Variants in CDC42BPB observed in about 807,000 individuals in gnomAD.
The protein encoded by CDC42BPB is CDC42 binding protein kinase beta.
Under a neutral mutation model 214.9 loss-of-function variants are expected in CDC42BPB, and 37 were observed. That is an observed-to-expected ratio of 0.17 (90% CI 0.13 to 0.23). The LOEUF (loss-of-function observed/expected upper bound fraction) is 0.23, where lower values mean the gene tolerates loss of function less well. Ranked by LOEUF, CDC42BPB falls within the 10% of genes least tolerant of loss-of-function variation. The probability of loss-of-function intolerance (pLI) is 1.00; values close to 1 mark genes in which losing one functional copy is unlikely to be tolerated. For missense variants in CDC42BPB, 1,694 were observed against 2,227.0 expected, an observed-to-expected ratio of 0.76 and a Z score of 4.82; for synonymous variants, 931 against 884.0, an observed-to-expected ratio of 1.05 and a Z score of -0.94.
chr14:103,017,875 C>T (rs930286913), intron 1 of CDC42BPB, among the ~76,000 whole-genome samples: 4 of 152,238 alleles, frequency 2.6e-5, no homozygotes, highest in Admixed American at 1.3e-4. Flanking sequence ...ATCAATGCTA[C>T]ATTCCTGATT....
chr14:102,944,447 G>C lies in CDC42BPB; in HGVS notation c.3852C>G (p.Ile1284Met). The C allele has an allele frequency of 1.9e-6, 3 of 1,612,934 alleles. No homozygotes were observed. Among genetic ancestry groups the C allele is most frequent in the Non-Finnish European group, 2.5e-6 (3 of 1,179,970 alleles). ...CGATCTTCTCCCTGGGAGCAAGCTCGATCTGGTGTACCTTCTTACAGTCAG... is the reference window on the plus strand; with the variant it reads ...CGATCTTCTCCCTGGGAGCAAGCTCCATCTGGTGTACCTTCTTACAGTCAG... ...RAADCKKVHQ[I>M]ELAPREKIVI... Residue 1284 changes from isoleucine (I) to methionine (M), a missense_variant, in exon 30 of 37, where the codon ATC (isoleucine) becomes ATG (methionine). Physicochemically the swap from Ile to Met is conservative, Grantham distance 10 (BLOSUM62 1). This residue lies in a region of CDC42BPB where 567 missense variants were observed against 790.3 expected (regional missense o/e 0.72). Coordinates refer to ENST00000361246, the MANE Select transcript of CDC42BPB (RefSeq NM_006035.4). The surrounding 1 kb of genome is among the most constrained non-coding windows in gnomAD (Gnocchi z 6.6).
intron 1 of CDC42BPB, among the ~76,000 whole-genome samples, chr14:103,021,856 G>A (rs1886793955): frequency 6.6e-6 from 1 of 152,130 alleles, no homozygotes; most frequent in Admixed American, 6.6e-5. Flanking sequence ...TGAGATCCTG[G>A]CTGTTCCTGA....
intron 30 of CDC42BPB, among the ~76,000 whole-genome samples, chr14:102,941,874 G>C (rs1351105568): frequency 6.6e-6 from 1 of 152,224 alleles, no homozygotes; most frequent in Non-Finnish European, 1.5e-5. Context: ...TGCAGAATGA[G>C]CAGTTCTGCA....
chr14:103,053,323 G>A (rs1212574520), intron 1 of CDC42BPB, among the ~76,000 whole-genome samples: 1 of 151,850 alleles, frequency 6.6e-6, no homozygotes, highest in Non-Finnish European at 1.5e-5. Flanking sequence ...CTTCAGCCTG[G>A]GCAACAGAGT....
At chr14:102,978,552 A>G (rs190355503) in intron 8 of CDC42BPB, among the ~76,000 whole-genome samples, 24 of 152,358 alleles carry the variant, frequency 1.6e-4, no homozygotes, top group Non-Finnish European at 2.6e-4. Flanking sequence ...CAGTGTGAAC[A>G]GGTATGGTCC....
intron 9 of CDC42BPB, among the ~76,000 whole-genome samples, chr14:102,977,788 C>T (rs191693991): frequency 1.3e-5 from 2 of 152,176 alleles, no homozygotes; most frequent in Non-Finnish European, 2.9e-5. Flanking sequence ...TGGGAGAAAT[C>T]CTGCCCGAGG....
At chr14:102,949,052 C>T (rs1416582098) in intron 26 of CDC42BPB, among the ~76,000 whole-genome samples, 3 of 152,186 alleles carry the variant, frequency 2.0e-5, no homozygotes, top group South Asian at 2.1e-4. Flanking sequence ...AGAGCAGTCC[C>T]GTGTGCACCA....
chr14:103,031,190 A>G (rs924301798), intron 1 of CDC42BPB, among the ~76,000 whole-genome samples: 1 of 152,112 alleles, frequency 6.6e-6, no homozygotes, highest in Non-Finnish European at 1.5e-5. Flanking sequence ...CAAGCAGAGA[A>G]AGATGGCCAG....
At chr14:102,958,734 G>A (rs1270540155) in intron 21 of CDC42BPB, among the ~76,000 whole-genome samples, 2 of 152,116 alleles carry the variant, frequency 1.3e-5, no homozygotes, top group South Asian at 2.1e-4. Flanking sequence ...AAGGCACCTG[G>A]TGCCAGACTG....
rs34461002 is a variant in CDC42BPB at position 102,969,782 on chromosome 14, C to T, written c.1995+369G>A. 6.4e-3 allele frequency among the ~76,000 whole-genome samples: 966 copies of T among 151,814 alleles called. 14 individuals carry two copies. Among genetic ancestry groups the T allele is most frequent in the African/African-American group, 0.022 (920 of 41,074 alleles). On this transcript the variant is annotated intron_variant, in intron 14 of 36. Transcript: ENST00000361246. ...CTCTTCCCCAGTCAGCAGCAGGCTA[C>T]GGGCTTTAAGGAGCTTTTCCAAAAC...
At chr14:103,017,538 G>A (rs931782955) in intron 1 of CDC42BPB, among the ~76,000 whole-genome samples, 1 of 152,062 alleles carries the variant, frequency 6.6e-6, no homozygotes, top group East Asian at 1.9e-4. Flanking sequence ...GTTACGTGAT[G>A]AGACGCAACC....
In CDC42BPB at chr14:102,944,115, C is replaced by G; in HGVS notation, c.4184G>C (p.Cys1395Ser). The G allele has an allele frequency of 1.2e-6, 2 of 1,613,252 alleles. No individual in the cohort carries two copies. Among genetic ancestry groups the G allele is most frequent in the South Asian group, 2.2e-5 (2 of 91,072 alleles). Residue 1395 changes from cysteine (C) to serine (S), a missense_variant, in exon 30 of 37, where the codon TGC becomes TCC. Around this residue, in one of 7 missense-constraint regions of CDC42BPB, gnomAD observed 567 missense variants for 790.3 expected, o/e 0.72. Transcript: ENST00000361246. The surrounding 1 kb of genome is among the most constrained non-coding windows in gnomAD (Gnocchi z 6.6). ...RLCVGYPSGF[C>S]LLSIQGDGQP... is the part of the protein sequence containing the mutation. The stretch of plus-strand genomic sequence containing the variant: ...CCCGTCCCCCTGGATGCTCAGCAGG[C>G]AGAACCCAGAAGGGTAGCCCACACA...
chr14:102,952,216 C>G (rs911629), intron 24 of CDC42BPB, among the ~76,000 whole-genome samples: 142,389 of 152,284 alleles, frequency 0.94, 66,846 homozygotes, highest in Middle Eastern at 0.99. Context: ...GCCAGGCATG[C>G]TGGTGGTGTG....
At chr14:103,000,209 C>G (rs202206485) in intron 4 of CDC42BPB, among the ~76,000 whole-genome samples, 1 of 152,234 alleles carries the variant, frequency 6.6e-6, no homozygotes, top group East Asian at 1.9e-4. Context: ...TAGGTTCACT[C>G]CAACAGAAAC....
intron 36 of CDC42BPB, 183 bp from the exon 37 acceptor site, chr14:102,934,026 G>A (rs1891518912): frequency 7.4e-7 from 1 of 1,355,886 alleles, no homozygotes; most frequent in Non-Finnish European, 9.4e-7. Context: ...GCTGGTGAGA[G>A]TCACAAATTG....
intron 4 of CDC42BPB, among the ~76,000 whole-genome samples, chr14:103,003,251 T>A: frequency 6.6e-6 from 1 of 152,166 alleles, no homozygotes; most frequent in East Asian, 1.9e-4. Flanking sequence ...AGAGTCACTC[T>A]AGGAATAAAA....
chr14:102,965,614 A>G (rs1169522833), intron 18 of CDC42BPB, among the ~76,000 whole-genome samples: 1 of 152,182 alleles, frequency 6.6e-6, no homozygotes, highest in Non-Finnish European at 1.5e-5. Context: ...TTCATTGAAC[A>G]CAATTGAGAA....
At chr14:102,993,172 T>C (rs1261496057) in intron 5 of CDC42BPB, among the ~76,000 whole-genome samples, 1 of 152,206 alleles carries the variant, frequency 6.6e-6, no homozygotes, top group Non-Finnish European at 1.5e-5. Context: ...AATCCTCTTT[T>C]CTTGGAAGTG....
Position 103,025,673 on chromosome 14 carries a change from C to T in CDC42BPB, c.176-13485G>A, listed in dbSNP as rs992289548. Among the ~76,000 whole-genome samples the T allele has an allele frequency of 1.7e-4, 26 of 152,040 alleles. 1 individual carries two copies. Among genetic ancestry groups the T allele is most frequent in the Middle Eastern group, 3.4e-3 (1 of 294 alleles). On this transcript the variant is annotated intron_variant, in intron 1 of 36. Transcript: ENST00000361246. ...TCTCTACTAAAAATACAAAAATTAGCCAGGCGTGGTGGCACATGCCTATAG... is the reference window on the plus strand; with the variant it reads ...TCTCTACTAAAAATACAAAAATTAGTCAGGCGTGGTGGCACATGCCTATAG...
Sources: allele counts gnomAD v4.1 joint callset (sites outside exome capture counted in the v4.1 genomes callset), GRCh38; gene constraint gnomAD v4.1.1; regional missense constraint gnomAD v4.1.1; non-coding constraint Gnocchi (gnomAD v3.1); transcripts MANE v1.5; gene names NCBI Gene and HGNC (gene_info 2026-07-23, HGNC 2026-07-21).